ERAP2: variants seen among roughly 807,000 people sequenced by gnomAD.
ERAP2 encodes the protein leukocyte-derived arginine aminopeptidase.
Under a neutral mutation model 111.1 loss-of-function variants are expected in ERAP2, and 118 were observed. The ratio of observed to expected loss-of-function variants is 1.06; its 90% CI spans 0.92 to 1.24. The LOEUF (loss-of-function observed/expected upper bound fraction) is 1.24. Among genes scored for constraint, ERAP2 ranks in the 50% most tolerant of loss-of-function variants. ERAP2 has a pLI of 0.00. For missense variants in ERAP2, 1,131 were observed against 1,125.8 expected, an observed-to-expected ratio of 1.00 and a Z score of -0.07; for synonymous variants, 410 against 401.2, an observed-to-expected ratio of 1.02 and a Z score of -0.26.
intron 11 of ERAP2, among the ~76,000 whole-genome samples, chr5:96,902,063 A>G (rs1003959218): frequency 6.6e-6 from 1 of 152,222 alleles, no homozygotes; most frequent in African/African-American, 2.4e-5. Context: ...AACTAGGTAG[A>G]TATGGCTGCT....
At chr5:96,896,339 G>T (rs1038004699) in intron 7 of ERAP2, 34 bp from the exon 8 acceptor site, 3 of 1,562,916 alleles carry the variant, frequency 1.9e-6, no homozygotes, top group African/African-American at 1.4e-5. Flanking sequence ...GTGTCAAATA[G>T]AAACTAAAAC....
intron 5 of ERAP2, among the ~76,000 whole-genome samples, chr5:96,890,323 C>T (rs1784206392): frequency 6.6e-6 from 1 of 152,122 alleles, no homozygotes; most frequent in African/African-American, 2.4e-5. Flanking sequence ...ACTTAGATCC[C>T]TCACATGCGC....
intron 7 of ERAP2, 141 bp downstream of exon 7, chr5:96,895,500 A>G (rs1581844159): frequency 1.5e-6 from 1 of 656,910 alleles, no homozygotes; most frequent in East Asian, 2.9e-5. Context: ...GATACACGAA[A>G]CAGATCACAG....
At chr5:96,895,393 G>C (rs771398302) in intron 7 of ERAP2, 34 bp downstream of exon 7, 1 of 1,334,380 alleles carries the variant, frequency 7.5e-7, no homozygotes, top group East Asian at 2.3e-5. Context: ...ATACTATATG[G>C]TGTAAAGAAT....
At chr5:96,903,941 G>C (rs2161658) in intron 13 of ERAP2, among the ~76,000 whole-genome samples, 82,316 of 152,018 alleles carry the variant, frequency 0.54, 22,358 homozygotes, top group Admixed American at 0.59. Flanking sequence ...CAAATGGCCT[G>C]TTTCATTCAC....
At chr5:96,902,483 C>T in intron 12 of ERAP2, 130 bp downstream of exon 12, 1 of 587,468 alleles carries the variant, frequency 1.7e-6, no homozygotes, top group Non-Finnish European at 3.0e-6. Flanking sequence ...TGTCATTTAT[C>T]CATATGTTAC....
chr5:96,910,147 C>T (rs1362662381), intron 15 of ERAP2: 1 of 166,066 alleles, frequency 6.0e-6, no homozygotes, highest in African/African-American at 2.4e-5. Context: ...CGCTTGTAAT[C>T]CCAGCTACTT....
In ERAP2 at chr5:96,900,177, G is replaced by T; in HGVS notation, c.1560G>T (p.Met520Ile). 6.2e-7 allele frequency: 1 copy of T among 1,613,770 alleles called. No homozygotes were observed. Among genetic ancestry groups the T allele is most frequent in the South Asian group, 1.1e-5 (1 of 91,060 alleles). ...GAGTTTGTCATTCGGATCCCAAGATGACAAGTAACATGGTAAGGATAAAGA... is the reference window on the plus strand; with the variant it reads ...GAGTTTGTCATTCGGATCCCAAGATTACAAGTAACATGGTAAGGATAAAGA... The part of the protein sequence containing the change: ...SGGVCHSDPK[M>I]TSNMLAFLGE... The change falls in exon 10 of 19, where the codon ATG becomes ATT. Residue 520 changes from methionine to isoleucine, a missense_variant. Met to Ile is a conservative substitution (Grantham distance 10). Around this residue, in one of 3 missense-constraint regions of ERAP2, gnomAD observed 847 missense variants for 856.5 expected, o/e 0.99. Transcript: ENST00000437043.
In ERAP2 at chr5:96,909,660, C is replaced by G. The variant is rs780153860; in HGVS notation, c.2250C>G (p.Leu750=). ...SDKGSVWDRM[L]RSALLKLACD... is the part of the protein sequence containing the mutation. ...AGGGCTCAGTCTGGGACAGGATGCT[C>G]CGCTCGGCTCTCTTGAAGCTGGCCT... Residue 750 remains leucine, a synonymous_variant, in exon 15 of 19, where the codon CTC becomes CTG. Transcript: ENST00000437043. 6.2e-7 allele frequency: 1 copy of G among 1,614,186 alleles called. No homozygotes were observed. The highest frequency in any genetic ancestry group is 8.5e-7 in the Non-Finnish European group (1 of 1,180,022).
intron 5 of ERAP2, among the ~76,000 whole-genome samples, chr5:96,891,049 C>A (rs937009603): frequency 7.2e-5 from 11 of 152,140 alleles, no homozygotes; most frequent in African/African-American, 2.4e-4. Context: ...GTCATTCCCA[C>A]ATTTGAAGTG....
chr5:96,914,958 T>C (rs986749522), intron 17 of ERAP2, among the ~76,000 whole-genome samples: 2 of 152,066 alleles, frequency 1.3e-5, no homozygotes, highest in Admixed American at 1.3e-4. Flanking sequence ...ATTTATTTCA[T>C]GCTTTTAATT....
intron 5 of ERAP2, among the ~76,000 whole-genome samples, chr5:96,890,455 T>C (rs974009596): frequency 3.3e-5 from 5 of 152,198 alleles, no homozygotes; most frequent in African/African-American, 1.2e-4. Flanking sequence ...CAGCCCAGTT[T>C]CTAATAGGCC....
intron 4 of ERAP2, 121 bp downstream of exon 4, chr5:96,886,910 G>C: frequency 1.0e-6 from 1 of 973,360 alleles, no homozygotes; most frequent in South Asian, 4.1e-5. Flanking sequence ...AGAAGAGATA[G>C]ATAAAAAACT....
intron 13 of ERAP2, among the ~76,000 whole-genome samples, chr5:96,907,956 T>A (rs1171038497): frequency 6.6e-6 from 1 of 152,132 alleles, no homozygotes; most frequent in Non-Finnish European, 1.5e-5. Context: ...CGTCTTCAGG[T>A]GAAATTTTTG....
Position 96,887,892 on chromosome 5 carries a change from G to A in ERAP2, c.849+1103G>A, listed in dbSNP as rs1783924947. ...TGTAATCCCAGCACTTTGGGAGGCG[G>A]AGGCTGGCAGATCGCCTGAGGTCAG... On this transcript the variant is annotated intron_variant, in intron 4 of 18. Transcript: ENST00000437043. Among the ~76,000 whole-genome samples the A allele has an allele frequency of 2.0e-5, 3 of 152,274 alleles. No homozygotes were observed. In the South Asian group the frequency reaches 6.2e-4, roughly 32 times the overall value.
At position 96,918,439 on chromosome 5, in the gene ERAP2, T is replaced by A. The variant is rs931498597; in HGVS notation, c.*834T>A. The A allele has an allele frequency of 6.6e-6, 1 of 152,198 alleles. No homozygotes were observed. The highest frequency in any genetic ancestry group is 1.5e-5 in the Non-Finnish European group (1 of 68,032). The allele number at this position is 152,198 out of a possible 1,614,324, so 9.4% of individuals were successfully genotyped here. A position where few individuals can be genotyped will look rare whatever the true frequency, so the allele number is the denominator to read the frequency against. ...AAATCTCAGATTATTAGAAACTAGG[T>A]GTCAGGGTTTATCAAGAAGGCCAGG... is the stretch of plus-strand genomic sequence containing the variant. On this transcript the variant is annotated 3_prime_UTR_variant, in exon 19 of 19. Transcript: ENST00000437043.
Position 96,903,538 on chromosome 5 carries a change from C to T in ERAP2, c.1990C>T (p.His664Tyr). The T allele has an allele frequency of 6.2e-7, 1 of 1,604,860 alleles. No homozygotes were observed. The highest frequency in any genetic ancestry group is 8.5e-7 in the Non-Finnish European group (1 of 1,177,448). The change falls in exon 13 of 19, where the codon CAT becomes TAT. Residue 664 changes from histidine to tyrosine, a missense_variant. Physicochemically the swap from His to Tyr is moderately conservative, Grantham distance 83. Around this residue, in one of 3 missense-constraint regions of ERAP2, gnomAD observed 847 missense variants for 856.5 expected, o/e 0.99. Transcript: ENST00000437043. ...ACCTAAGGACAGAGTAGGTCTGATT[C>T]ATGATGTGTTTCAGCTAGTTGGGTA... ...LRPKDRVGLI[H>Y]DVFQLVGAGR... is the part of the protein sequence containing the mutation.
chr5:96,908,858 A>C, intron 13 of ERAP2, 103 bp from the exon 14 acceptor site: 1 of 1,205,682 alleles, frequency 8.3e-7, no homozygotes, highest in Non-Finnish European at 1.2e-6. Flanking sequence ...AGCTATAATG[A>C]CCTACTTCTG....
intron 6 of ERAP2, among the ~76,000 whole-genome samples, chr5:96,894,470 G>C (rs898203060): frequency 1.3e-5 from 2 of 151,890 alleles, no homozygotes; most frequent in African/African-American, 4.8e-5. Flanking sequence ...TGAAGCTTTG[G>C]TCCGTCTAGA....
Sources: allele counts gnomAD v4.1 joint callset (sites outside exome capture counted in the v4.1 genomes callset), GRCh38; gene constraint gnomAD v4.1.1; regional missense constraint gnomAD v4.1.1; transcripts MANE v1.5; gene names NCBI Gene and HGNC (gene_info 2026-07-23, HGNC 2026-07-21).